The following USP37 variants were observed in gnomAD, a reference collection of about 807,000 sequenced individuals.
The protein encoded by USP37 is ubiquitin carboxyl-terminal hydrolase 37.
Under a neutral mutation model 124.0 loss-of-function variants are expected in USP37, and 27 were observed. The observed-to-expected ratio is 0.22, with a 90% CI of 0.16 to 0.30. The LOEUF is 0.30. Ranked by LOEUF, USP37 falls within the 10% of genes least tolerant of loss-of-function variation. The pLI is 1.00. For synonymous variants in USP37, 365 were observed against 388.0 expected (o/e 0.94, Z 0.70); for missense variants, 889 against 1,140.4 (o/e 0.78, Z 3.17).
intron 17 of USP37, among the ~76,000 whole-genome samples, chr2:218,480,144 T>C (rs1279257682): frequency 7.0e-6 from 1 of 142,370 alleles, no homozygotes; most frequent in Non-Finnish European, 1.5e-5. Context: ...AGACTCCATC[T>C]CAAAAAAAAA....
intron 4 of USP37, among the ~76,000 whole-genome samples, chr2:218,557,189 T>C (rs1048240209): frequency 2.6e-5 from 4 of 152,176 alleles, no homozygotes; most frequent in African/African-American, 9.7e-5. Context: ...ACAATATCCA[T>C]AGCAGTAACC....
intron 11 of USP37, among the ~76,000 whole-genome samples, chr2:218,501,562 CAG>C (rs1263756260): frequency 6.6e-6 from 1 of 152,138 alleles, no homozygotes; most frequent in Non-Finnish European, 1.5e-5. Flanking sequence ...CAGCACAAAA[CAG>C]TGATCCATAA....
rs747190155 is a variant in USP37 at position 218,529,973 on chromosome 2, A to T, written c.846T>A (p.Gly282=). 1.2e-6 allele frequency: 2 copies of T among 1,612,972 alleles called. No individual in the cohort carries two copies. The highest frequency in any genetic ancestry group is 1.1e-5 in the South Asian group (1 of 90,958). ...ATGCATACCTGTCTAAGTTAGTGCC[A>T]CCAGAAGAGTGTTCCTTGGATCCAG... ...SRAGSKEHSS[G]GTNLDRTNVS... The change falls in exon 10 of 26, where the codon GGT becomes GGA. Residue 282 remains glycine (G), a synonymous_variant. Transcript: ENST00000258399.
intron 17 of USP37, 110 bp downstream of exon 17, chr2:218,481,960 C>A (rs1691294536): frequency 4.6e-6 from 6 of 1,290,888 alleles, no homozygotes; most frequent in African/African-American, 1.5e-5. Flanking sequence ...GGCCATTGAT[C>A]TGATTTTACC....
intron 19 of USP37, among the ~76,000 whole-genome samples, chr2:218,475,779 A>G (rs1690936960): frequency 6.6e-6 from 1 of 152,018 alleles, no homozygotes; most frequent in Non-Finnish European, 1.5e-5. Context: ...CCCAAAAATT[A>G]GGGAGATGTT....
chr2:218,498,695 C>T (rs1414267822), intron 11 of USP37, among the ~76,000 whole-genome samples: 1 of 151,896 alleles, frequency 6.6e-6, no homozygotes, highest in Non-Finnish European at 1.5e-5. Flanking sequence ...CCATTGCACT[C>T]CAGCCTCAGC....
At chr2:218,473,076 G>C (rs955775606) in intron 20 of USP37, 1 of 152,174 alleles carries the variant, frequency 6.6e-6, no homozygotes, top group African/African-American at 2.4e-5. Flanking sequence ...CCTGGAGACA[G>C]GGTGGGTTTC....
In USP37 at chr2:218,524,829, C is replaced by T. The variant is rs62193781; in HGVS notation, c.863+5127G>A. Among the ~76,000 whole-genome samples, 1,362 of 152,242 alleles carry T rather than the reference C, an allele frequency of 8.9e-3. 12 individuals are homozygous for T. The highest frequency in any genetic ancestry group is 0.017 in the Middle Eastern group (5 of 292). On this transcript the variant is annotated intron_variant, in intron 10 of 25. Transcript: ENST00000258399. ...TTCGCCATGTTGGCCAGGCTGGTCT[C>T]GAACTCCTGACCTCAGGTGATCCAC...
At chr2:218,530,458 C>T (rs541755315) in intron 9 of USP37, among the ~76,000 whole-genome samples, 54 of 152,248 alleles carry the variant, frequency 3.5e-4, no homozygotes, top group Non-Finnish European at 6.6e-4. Context: ...CCATATAAGA[C>T]GGCAAACTCA....
chr2:218,496,604 T>TAAAATATGGTACAATACACA (rs139902111), intron 13 of USP37, among the ~76,000 whole-genome samples: 150,818 of 152,296 alleles, frequency 0.99, 74,693 homozygotes, highest in Middle Eastern at 1. Flanking sequence ...AATCTATATT[T>TAAAATATGGTACAATACACA]GAAGAGTCAC....
At chr2:218,562,281 G>A (rs551137592) in intron 2 of USP37, among the ~76,000 whole-genome samples, 1 of 152,106 alleles carries the variant, frequency 6.6e-6, no homozygotes, top group South Asian at 2.1e-4. Flanking sequence ...ACAAAGACAG[G>A]GTTTCCTTAA....
At chr2:218,457,419 A>G (rs1198855265) in intron 23 of USP37, among the ~76,000 whole-genome samples, 4 of 152,260 alleles carry the variant, frequency 2.6e-5, no homozygotes, top group Non-Finnish European at 5.9e-5. Context: ...AGCTGGAACC[A>G]ACAATATATC....
At chr2:218,536,017 C>CA (rs59248363) in intron 8 of USP37, among the ~76,000 whole-genome samples, 24,286 of 79,736 alleles carry the variant, frequency 0.3, 4,003 homozygotes, top group East Asian at 0.49. Flanking sequence ...GACTTCATCT[C>CA]AAAAAAAAAA....
intron 9 of USP37, among the ~76,000 whole-genome samples, chr2:218,530,333 A>G (rs1691254709): frequency 6.6e-6 from 1 of 152,164 alleles, no homozygotes; most frequent in Non-Finnish European, 1.5e-5. Flanking sequence ...TCTATGTCAC[A>G]TTTTGGTAAT....
Position 218,497,904 on chromosome 2 carries a change from C to T in USP37, c.1158-47G>A, listed in dbSNP as rs767729887. ...AGTTAGCACGTTTTACATGACATGG[C>T]GTGATATTTTAAAGAATAATTACTA... On this transcript the variant is annotated intron_variant, in intron 12 of 25. Transcript: ENST00000258399. 68 of 1,589,570 alleles carry T rather than the reference C, an allele frequency of 4.3e-5. 1 individual carries two copies. The South Asian group carries it at 6.2e-4, about 15-fold the overall frequency.
intron 24 of USP37, among the ~76,000 whole-genome samples, 156 bp from the exon 25 acceptor site, chr2:218,455,874 C>T (rs1239884009): frequency 6.6e-5 from 10 of 151,960 alleles, no homozygotes; most frequent in African/African-American, 1.2e-4. Flanking sequence ...GGTGAAGCCC[C>T]GTCTCTACTA....
chr2:218,485,649 A>G lies in USP37; in HGVS notation c.1670+15T>C, dbSNP rs1316635849. 1 of 1,568,620 alleles carries G rather than the reference A, an allele frequency of 6.4e-7. No homozygotes were observed. Among genetic ancestry groups the G allele is most frequent in the Non-Finnish European group, 8.6e-7 (1 of 1,165,850 alleles). ...TTAGTCCATAGCAAAAAAAAAAAAA[A>G]AAAAAAAAAATTACCTAGGAAGCCT... On this transcript the variant is annotated intron_variant, in intron 16 of 25. Transcript: ENST00000258399.
intron 10 of USP37, among the ~76,000 whole-genome samples, chr2:218,511,045 TCTCA>T (rs893883046): frequency 6.6e-6 from 1 of 152,106 alleles, no homozygotes; most frequent in Non-Finnish European, 1.5e-5. Flanking sequence ...AGACACTTGA[TCTCA>T]CTGTTATTTG....
chr2:218,503,468 G>A (rs1689504541), intron 11 of USP37, among the ~76,000 whole-genome samples: 1 of 152,220 alleles, frequency 6.6e-6, no homozygotes, highest in African/African-American at 2.4e-5. Flanking sequence ...TGTAATCCCA[G>A]CACTTTGGAG....
Sources: allele counts gnomAD v4.1 joint callset (sites outside exome capture counted in the v4.1 genomes callset), GRCh38; gene constraint gnomAD v4.1.1; transcripts MANE v1.5; gene names NCBI Gene and HGNC (gene_info 2026-07-23, HGNC 2026-07-21).